Variants in CHRNB4 observed in about 807,000 individuals in gnomAD.
CHRNB4 encodes the protein cholinergic receptor nicotinic beta 4 subunit, also known as neuronal acetylcholine receptor subunit beta-4.
A neutral mutation model predicts 40.4 loss-of-function variants in CHRNB4; 23 were observed. That is an observed-to-expected ratio of 0.57 (90% CI 0.41 to 0.81). The LOEUF (loss-of-function observed/expected upper bound fraction) is 0.81. Ranked by LOEUF, CHRNB4 falls within the 30% of genes least tolerant of loss-of-function variation. The pLI, the probability that CHRNB4 is intolerant of heterozygous loss-of-function variation, is 0.00. For synonymous variants in CHRNB4, 285 were observed against 274.4 expected, an observed-to-expected ratio of 1.04 and a Z score of -0.38; for missense variants, 568 against 670.6, an observed-to-expected ratio of 0.85 and a Z score of 1.69.
intron 2 of CHRNB4, 143 bp from the exon 3 acceptor site, chr15:78,631,475 G>T: frequency 1.4e-6 from 1 of 709,816 alleles, no homozygotes; most frequent in Non-Finnish European, 2.4e-6. Flanking sequence ...CCAAAGGCAT[G>T]TCACACTCAG....
Position 78,629,570 on chromosome 15 carries a change from G to A in CHRNB4, c.735C>T (p.Leu245=), listed in dbSNP as rs764457814. The A allele has an allele frequency of 6.2e-7, 1 of 1,614,162 alleles. No individual in the cohort carries two copies. Among genetic ancestry groups the A allele is most frequent in the South Asian group, 1.1e-5 (1 of 91,080 alleles). Residue 245 remains leucine, a synonymous_variant, in exon 5 of 6, where the codon CTC becomes CTT. Transcript: ENST00000261751. The surrounding 1 kb of genome is among the most constrained non-coding windows in gnomAD (Gnocchi z 6.8). ...YTINLIIPCV[L]TTLLAILVFY... is the part of the protein sequence containing the mutation. ...AGACGAGGATGGCCAGCAAGGTGGT[G>A]AGCACGCAGGGGATGATGAGGTTGA... is the stretch of plus-strand genomic sequence containing the variant.
intron 2 of CHRNB4, 33 bp downstream of exon 2, chr15:78,635,406 T>C (rs766934603): frequency 1.2e-6 from 2 of 1,608,410 alleles, no homozygotes; most frequent in Non-Finnish European, 8.5e-7. Context: ...CCTCTCCACC[T>C]GAGCCTGAGC....
intron 1 of CHRNB4, chr15:78,660,400 C>T (rs952310760): frequency 6.6e-6 from 1 of 152,268 alleles, no homozygotes; most frequent in Non-Finnish European, 1.5e-5. Flanking sequence ...AAGCCAAAAA[C>T]CCTCCTGGGC....
At chr15:78,641,789 G>T (rs970310358), upstream of CHRNB4, among the ~76,000 whole-genome samples, 2 of 152,200 alleles carry the variant, frequency 1.3e-5, no homozygotes, top group Non-Finnish European at 2.9e-5. Flanking sequence ...GGAGTGGGCT[G>T]GCCTCGTCCT....
chr15:78,629,974 C>A lies in CHRNB4; in HGVS notation c.360-29G>T. ...GGCAGGGTCAGGGCATGGAGAACATCGTGAAACCCATACACAAAACCTGGC... is the reference window on the plus strand; with the variant it reads ...GGCAGGGTCAGGGCATGGAGAACATAGTGAAACCCATACACAAAACCTGGC... On this transcript the variant is annotated intron_variant, in intron 4 of 5. Coordinates refer to ENST00000261751, the MANE Select transcript of CHRNB4 (RefSeq NM_000750.5). This position sits in a 1 kb window ranked among gnomAD's most constrained non-coding sequence, Gnocchi z 6.8. The A allele has an allele frequency of 6.6e-7, 1 of 1,521,052 alleles. No homozygotes were observed. The highest frequency in any genetic ancestry group is 8.7e-7 in the Non-Finnish European group (1 of 1,142,988). 94.2% of individuals were successfully genotyped at this position (1,521,052 alleles called of 1,614,324 possible).
chr15:78,658,479 T>G (rs141385604), intron 1 of CHRNB4: 1 of 152,222 alleles, frequency 6.6e-6, no homozygotes, highest in Non-Finnish European at 1.5e-5. Flanking sequence ...GCTCAGAGAC[T>G]GCCCTCCCTA....
upstream of CHRNB4, among the ~76,000 whole-genome samples, chr15:78,642,594 C>T (rs949196419): frequency 2.0e-5 from 3 of 152,076 alleles, no homozygotes; most frequent in South Asian, 2.1e-4. Context: ...CTGGCTTTAT[C>T]GGATGTGTAC....
chr15:78,642,117 AC>A (rs2054084272), upstream of CHRNB4, among the ~76,000 whole-genome samples: 1 of 152,178 alleles, frequency 6.6e-6, no homozygotes, highest in African/African-American at 2.4e-5. Context: ...CAGCTTTGCC[AC>A]CTTATCTCCA....
intron 4 of CHRNB4, among the ~76,000 whole-genome samples, chr15:78,630,381 A>C (rs945618578): frequency 6.6e-6 from 1 of 151,010 alleles, no homozygotes; most frequent in African/African-American, 2.4e-5. Context: ...CAGGTGATCC[A>C]CCCGCCTCGG....
intron 7 of CHRNB4, chr15:78,649,260 T>C: frequency 1.4e-5 from 4 of 277,088 alleles, no homozygotes; most frequent in South Asian, 1.3e-4. Flanking sequence ...TCTCGGTGTG[T>C]ACCCCAGAGA....
chr15:78,630,374 G>A (rs2053777941), intron 4 of CHRNB4, among the ~76,000 whole-genome samples: 1 of 152,072 alleles, frequency 6.6e-6, no homozygotes. Context: ...CTGATCTCAG[G>A]TGATCCACCC....
At chr15:78,654,335 G>T (rs2054195456) in intron 5 of CHRNB4, among the ~76,000 whole-genome samples, 1 of 152,238 alleles carries the variant, frequency 6.6e-6, no homozygotes, top group East Asian at 1.9e-4. Flanking sequence ...TTTGTTGGAA[G>T]TATTTTCAAT....
upstream of CHRNB4, chr15:78,641,248 C>T (rs953847536): frequency 9.3e-6 from 9 of 969,828 alleles, no homozygotes; most frequent in Non-Finnish European, 1.3e-5. Flanking sequence ...GCTGGCGGGG[C>T]GGCGCTCACT....
intron 1 of CHRNB4, 98 bp from the exon 2 acceptor site, chr15:78,635,685 C>T (rs2053935573): frequency 1.3e-6 from 2 of 1,530,140 alleles, no homozygotes; most frequent in East Asian, 4.5e-5. Flanking sequence ...CACAGGTGCC[C>T]TTAGGGCTGG....
At chr15:78,648,293 T>G (rs1203422433) in intron 7 of CHRNB4, among the ~76,000 whole-genome samples, 2 of 149,316 alleles carry the variant, frequency 1.3e-5, no homozygotes, top group East Asian at 4.0e-4. Context: ...CTCAGGAGGC[T>G]GAGGCAGGAG....
chr15:78,628,866 G>A, intron 5 of CHRNB4, 101 bp downstream of exon 5: 1 of 1,432,268 alleles, frequency 7.0e-7, no homozygotes, highest in Non-Finnish European at 9.4e-7. Context: ...GAGTTTGAGA[G>A]TCCTTGTCTC....
chr15:78,661,451 A>C (rs1286060739), upstream of CHRNB4: 3 of 514,010 alleles, frequency 5.8e-6, no homozygotes, highest in Non-Finnish European at 1.1e-5. Flanking sequence ...TGCGACTCAT[A>C]AACAGCCTCT....
intron 5 of CHRNB4, among the ~76,000 whole-genome samples, chr15:78,654,138 G>A (rs1408712169): frequency 1.3e-5 from 2 of 152,154 alleles, no homozygotes; most frequent in Non-Finnish European, 2.9e-5. Flanking sequence ...GATGAAGCCA[G>A]GATCCCTCCT....
At chr15:78,641,363 T>C, upstream of CHRNB4, 1 of 462,402 alleles carries the variant, frequency 2.2e-6, no homozygotes, top group South Asian at 3.9e-5. Context: ...ACCTGCCGCC[T>C]GGCTTCCCTA....
Sources: allele counts gnomAD v4.1 joint callset (sites outside exome capture counted in the v4.1 genomes callset), GRCh38; gene constraint gnomAD v4.1.1; non-coding constraint Gnocchi (gnomAD v3.1); transcripts MANE v1.5; gene names NCBI Gene and HGNC (gene_info 2026-07-23, HGNC 2026-07-21).